The following FAF1 variants were observed in gnomAD, a reference collection of about 807,000 sequenced individuals.
FAF1 encodes Fas associated factor 1, also known as FAS-associated factor 1.
In FAF1, 25 loss-of-function variants were observed where a neutral mutation model predicts 92.5. That is an observed-to-expected ratio of 0.27 (90% CI 0.20 to 0.38). The LOEUF is 0.38. FAF1 is among the 10% of genes least tolerant of loss of function. The pLI, the probability that FAF1 is intolerant of heterozygous loss-of-function variation, is 1.00. For synonymous variants in FAF1, 234 were observed against 273.2 expected (o/e 0.86, Z 1.42); for missense variants, 636 against 793.3 (o/e 0.80, Z 2.38).
intron 15 of FAF1, among the ~76,000 whole-genome samples, chr1:50,503,939 G>A (rs983754996): frequency 7.2e-5 from 11 of 152,186 alleles, no homozygotes; most frequent in African/African-American, 2.7e-4. Context: ...CCTTGAGAGT[G>A]ATAGTTCACT....
At chr1:50,650,437 C>T (rs890757884) in intron 8 of FAF1, among the ~76,000 whole-genome samples, 2 of 151,532 alleles carry the variant, frequency 1.3e-5, no homozygotes, top group African/African-American at 4.9e-5. Context: ...CTGGCCAACA[C>T]AGCGAAACCC....
chr1:50,958,640 T>C (rs550482347), intron 1 of FAF1, among the ~76,000 whole-genome samples: 1 of 150,132 alleles, frequency 6.7e-6, no homozygotes, highest in African/African-American at 2.5e-5. Flanking sequence ...ATCGCGCCAC[T>C]GCACTCCAGC....
chr1:50,804,642 T>G (rs545011583), intron 2 of FAF1, among the ~76,000 whole-genome samples: 5 of 152,164 alleles, frequency 3.3e-5, no homozygotes, highest in African/African-American at 1.2e-4. Context: ...CTAAGAATAA[T>G]TGACTCTCTT....
At chr1:50,533,566 C>T (rs184631594) in intron 15 of FAF1, among the ~76,000 whole-genome samples, 23 of 152,060 alleles carry the variant, frequency 1.5e-4, no homozygotes, top group Non-Finnish European at 2.9e-5. Context: ...TGTAATACAG[C>T]GATAAATAAA....
chr1:50,605,122 T>G (rs576349300), intron 8 of FAF1, among the ~76,000 whole-genome samples: 50 of 152,248 alleles, frequency 3.3e-4, no homozygotes, highest in Admixed American at 7.8e-4. Flanking sequence ...TAAAAGGTTT[T>G]TTTGTTTGTT....
chr1:50,902,770 G>T (rs1644806295), intron 1 of FAF1, among the ~76,000 whole-genome samples: 1 of 152,076 alleles, frequency 6.6e-6, no homozygotes, highest in Admixed American at 6.6e-5. Context: ...CAATGTAAAT[G>T]ATATGTAAGT....
chr1:50,884,405 G>A (rs1644639892), intron 1 of FAF1, among the ~76,000 whole-genome samples: 1 of 150,308 alleles, frequency 6.7e-6, no homozygotes, highest in Admixed American at 6.6e-5. Context: ...ATATGCACCT[G>A]CAGTCCCAGC....
chr1:50,640,338 G>T (rs940054587), intron 8 of FAF1, among the ~76,000 whole-genome samples: 1 of 151,428 alleles, frequency 6.6e-6, no homozygotes, highest in African/African-American at 2.4e-5. Context: ...TGTCGCCCAG[G>T]CTGGAGTGCA....
intron 1 of FAF1, among the ~76,000 whole-genome samples, chr1:50,956,206 TAG>T (rs1321697842): frequency 1.3e-5 from 2 of 152,194 alleles, no homozygotes; most frequent in South Asian, 2.1e-4. Flanking sequence ...AGGATTTTCT[TAG>T]AGGACAATTT....
At chr1:50,916,019 G>T (rs2124727080) in intron 1 of FAF1, among the ~76,000 whole-genome samples, 1 of 152,252 alleles carries the variant, frequency 6.6e-6, no homozygotes, top group Middle Eastern at 3.4e-3. Flanking sequence ...ACAGCCCTCT[G>T]TTTGATAATT....
chr1:50,735,385 G>C (rs1659095927), intron 6 of FAF1, among the ~76,000 whole-genome samples: 1 of 152,120 alleles, frequency 6.6e-6, no homozygotes. Flanking sequence ...ATGATTAAGA[G>C]TTTGCTCTTC....
At chr1:50,489,551 A>G (rs1447915976) in intron 17 of FAF1, among the ~76,000 whole-genome samples, 1 of 152,208 alleles carries the variant, frequency 6.6e-6, no homozygotes, top group African/African-American at 2.4e-5. Flanking sequence ...ACAGTATTAT[A>G]ATTCTATTTT....
chr1:50,621,400 T>C (rs1422989159), intron 8 of FAF1, among the ~76,000 whole-genome samples: 10 of 128,576 alleles, frequency 7.8e-5, no homozygotes, highest in South Asian at 2.7e-4. Context: ...TCTTTTTTTT[T>C]TTTTTTTTTT....
intron 8 of FAF1, among the ~76,000 whole-genome samples, chr1:50,619,219 G>A (rs530683926): frequency 2.6e-5 from 4 of 152,240 alleles, no homozygotes; most frequent in Non-Finnish European, 4.4e-5. Context: ...TAAGTGAGGC[G>A]TTTAGCCCAT....
chr1:50,585,203 G>A (rs1651168270), intron 9 of FAF1, among the ~76,000 whole-genome samples: 1 of 152,192 alleles, frequency 6.6e-6, no homozygotes. Context: ...GGCAGGTGGA[G>A]GCAATGGTAG....
intron 13 of FAF1, among the ~76,000 whole-genome samples, chr1:50,559,112 A>G (rs1205050086): frequency 6.6e-6 from 1 of 152,106 alleles, no homozygotes; most frequent in African/African-American, 2.4e-5. Context: ...TTAGCCAGGC[A>G]TGGTGGCAAG....
intron 6 of FAF1, among the ~76,000 whole-genome samples, chr1:50,724,860 C>T (rs1425277834): frequency 6.6e-6 from 1 of 152,154 alleles, no homozygotes; most frequent in East Asian, 1.9e-4. Flanking sequence ...CTGGACAAAG[C>T]TTACCATGAG....
chr1:50,766,849 T>C (rs1479671580), intron 4 of FAF1, among the ~76,000 whole-genome samples: 1 of 136,430 alleles, frequency 7.3e-6, no homozygotes, highest in Non-Finnish European at 1.5e-5. Context: ...AAAGACTGAA[T>C]GCTCAGCTCA....
At chr1:50,721,101 C>CA (rs1024155614) in intron 6 of FAF1, among the ~76,000 whole-genome samples, 17 of 152,042 alleles carry the variant, frequency 1.1e-4, no homozygotes, top group African/African-American at 4.1e-4. Flanking sequence ...GGAGGGAAAA[C>CA]ATTTATTGCT....
Sources: allele counts gnomAD v4.1 joint callset (sites outside exome capture counted in the v4.1 genomes callset), GRCh38; gene constraint gnomAD v4.1.1; transcripts MANE v1.5; gene names NCBI Gene and HGNC (gene_info 2026-07-23, HGNC 2026-07-21).